The following DLG2 variants were observed in gnomAD, a reference collection of about 807,000 sequenced individuals.
DLG2 encodes disks large homolog 2.
In DLG2, 45 loss-of-function variants were observed where a neutral mutation model predicts 132.5. The ratio of observed to expected loss-of-function variants is 0.34; its 90% CI spans 0.27 to 0.44. The LOEUF (loss-of-function observed/expected upper bound fraction) is 0.44, where lower values mean the gene tolerates loss of function less well. DLG2 is among the 20% of genes least tolerant of loss of function. DLG2 has a pLI of 1.00. For missense variants in DLG2, 1,045 were observed against 1,196.9 expected (o/e 0.87, Z 1.87); for synonymous variants, 424 against 419.6 (o/e 1.01, Z -0.13).
Position 84,173,869 on chromosome 11 carries a change from G to A in DLG2, c.574-10358C>T, listed in dbSNP as rs545263949. On this transcript the variant is annotated intron_variant, in intron 8 of 27. Coordinates refer to ENST00000376104, the MANE Select transcript of DLG2 (RefSeq NM_001142699.3). ...CAACTTCCCTTTCCTTCCATCACAG[G>A]GTCTATCCTTGCTAGTCTCCTCCCT... is the stretch of plus-strand genomic sequence containing the variant. 1.3e-4 allele frequency among the ~76,000 whole-genome samples: 19 copies of A among 151,996 alleles called. 1 individual carries two copies. The East Asian group carries it at 3.1e-3, about 25-fold the overall frequency.
Position 84,430,727 on chromosome 11 carries a change from C to G in DLG2, c.519+103843G>C, listed in dbSNP as rs189640775. ...TATAACAGTTGTGCTTTTTGCTCTGCCAGGGTGGGCAGCAGTTCTGGGACC... is the reference window on the plus strand; with the variant it reads ...TATAACAGTTGTGCTTTTTGCTCTGGCAGGGTGGGCAGCAGTTCTGGGACC... On this transcript the variant is annotated intron_variant, in intron 7 of 27. Coordinates refer to ENST00000376104, the MANE Select transcript of DLG2 (RefSeq NM_001142699.3). Among the ~76,000 whole-genome samples the G allele has an allele frequency of 1.7e-3, 253 of 152,252 alleles. 1 individual carries two copies. The highest frequency in any genetic ancestry group is 2.6e-3 in the Admixed American group (39 of 15,290).
At chr11:85,612,694 G>C (rs978294518) in intron 2 of DLG2, among the ~76,000 whole-genome samples, 1 of 152,106 alleles carries the variant, frequency 6.6e-6, no homozygotes, top group Non-Finnish European at 1.5e-5. Context: ...ATGAAAATCA[G>C]ACCTTATCAG....
At chr11:84,700,920 A>G (rs536092700) in intron 6 of DLG2, among the ~76,000 whole-genome samples, 27 of 151,722 alleles carry the variant, frequency 1.8e-4, no homozygotes, top group Non-Finnish European at 3.2e-4. Flanking sequence ...TCCCCAGTCT[A>G]GCACTTAAAC....
At chr11:84,655,005 T>A (rs1342019952) in intron 6 of DLG2, among the ~76,000 whole-genome samples, 1 of 152,220 alleles carries the variant, frequency 6.6e-6, no homozygotes, top group African/African-American at 2.4e-5. Flanking sequence ...CAAAAACGTA[T>A]CTAAATGTTT....
At chr11:84,141,040 T>C (rs1346454126) in intron 9 of DLG2, among the ~76,000 whole-genome samples, 2 of 152,100 alleles carry the variant, frequency 1.3e-5, no homozygotes, top group African/African-American at 4.8e-5. Context: ...ATTGTTAAGA[T>C]ATAAAAGAGC....
At chr11:84,019,878 G>C (rs2095339804) in intron 11 of DLG2, among the ~76,000 whole-genome samples, 1 of 152,132 alleles carries the variant, frequency 6.6e-6, no homozygotes, top group African/African-American at 2.4e-5. Flanking sequence ...TCTCAGACTT[G>C]TACCCTCCAG....
intron 7 of DLG2, among the ~76,000 whole-genome samples, chr11:84,277,596 C>T (rs2097794438): frequency 1.3e-5 from 2 of 152,116 alleles, no homozygotes; most frequent in Non-Finnish European, 2.9e-5. Context: ...ATACATATCA[C>T]TACACGCTTA....
At chr11:85,214,972 G>A (rs754319879) in intron 4 of DLG2, among the ~76,000 whole-genome samples, 1 of 152,018 alleles carries the variant, frequency 6.6e-6, no homozygotes. Context: ...GTCAGATCTG[G>A]CCCCAAATAT....
intron 6 of DLG2, among the ~76,000 whole-genome samples, chr11:84,663,853 C>G (rs145028251): frequency 6.6e-6 from 1 of 152,116 alleles, no homozygotes; most frequent in African/African-American, 2.4e-5. Flanking sequence ...TCAGCCAATT[C>G]CACTCCTGCT....
At chr11:83,989,148 A>G (rs905435028) in intron 11 of DLG2, among the ~76,000 whole-genome samples, 1 of 152,160 alleles carries the variant, frequency 6.6e-6, no homozygotes, top group Non-Finnish European at 1.5e-5. Flanking sequence ...CAAGGGGCAG[A>G]AACAGTGAGC....
chr11:85,625,103 A>G (rs975690377), intron 2 of DLG2: 4 of 151,642 alleles, frequency 2.6e-5, no homozygotes, highest in African/African-American at 9.8e-5. Context: ...TCCTTCCCAC[A>G]TACCTTTTTA....
intron 6 of DLG2, among the ~76,000 whole-genome samples, chr11:85,106,113 C>T (rs1451722074): frequency 6.6e-6 from 1 of 151,890 alleles, no homozygotes; most frequent in African/African-American, 2.4e-5. Context: ...GGAGAGCATG[C>T]TGGAACAATT....
intron 3 of DLG2, among the ~76,000 whole-genome samples, chr11:85,504,625 A>G (rs1334320838): frequency 6.6e-6 from 1 of 152,168 alleles, no homozygotes; most frequent in African/African-American, 2.4e-5. Context: ...GCCTTGTAGT[A>G]TAGTTTGAAG....
At chr11:84,242,993 T>TTCTCTCTCTC (rs145284405) in intron 8 of DLG2, among the ~76,000 whole-genome samples, 1,623 of 125,016 alleles carry the variant, frequency 0.013, 30 homozygotes, top group African/African-American at 0.043. Flanking sequence ...ATTAATTAGG[T>TTCTCTCTCTC]TCTCTCTCTC....
At chr11:84,990,797 G>A (rs915740261) in intron 6 of DLG2, among the ~76,000 whole-genome samples, 33 of 151,974 alleles carry the variant, frequency 2.2e-4, no homozygotes, top group Non-Finnish European at 1.3e-4. Context: ...AAGAACTAAA[G>A]TTTTAGTTTC....
At chr11:84,106,886 A>AGAGAGG (rs2092970424) in intron 9 of DLG2, among the ~76,000 whole-genome samples, 1 of 141,954 alleles carries the variant, frequency 7.0e-6, no homozygotes, top group African/African-American at 2.6e-5. Flanking sequence ...AGAGAGAGAG[A>AGAGAGG]GTTTTAGCTT....
At chr11:85,317,810 T>C (rs527484772) in intron 3 of DLG2, among the ~76,000 whole-genome samples, 14 of 151,976 alleles carry the variant, frequency 9.2e-5, no homozygotes, top group South Asian at 2.1e-4. Flanking sequence ...TAATGAGTAC[T>C]AGGCTTAATA....
intron 8 of DLG2, among the ~76,000 whole-genome samples, chr11:84,214,208 T>TATATATATGAATACATATATAC (rs1244783997): frequency 1.2e-4 from 16 of 132,674 alleles, no homozygotes; most frequent in African/African-American, 2.3e-4. Flanking sequence ...TATATATACA[T>TATATATATGAATACATATATAC]ATATATATGA....
intron 7 of DLG2, among the ~76,000 whole-genome samples, chr11:84,384,321 A>T (rs2098760184): frequency 6.6e-6 from 1 of 152,016 alleles, no homozygotes. Flanking sequence ...TAAATATGGA[A>T]AATGCAACTT....
Sources: gnomAD v4.1 joint callset for allele counts (sites outside exome capture counted in the v4.1 genomes callset) on GRCh38, gnomAD v4.1.1 for gene constraint, MANE v1.5 for transcripts, NCBI Gene and HGNC (gene_info 2026-07-23, HGNC 2026-07-21) for gene names.